The following RPS6KA2 variants were observed in gnomAD, a reference collection of about 807,000 sequenced individuals.
RPS6KA2 encodes ribosomal protein S6 kinase alpha-2.
In RPS6KA2, 42 loss-of-function variants were observed where a neutral mutation model predicts 91.8. The ratio of observed to expected loss-of-function variants is 0.46; its 90% CI spans 0.36 to 0.59. RPS6KA2 has a LOEUF of 0.59. RPS6KA2 is among the 20% of genes least tolerant of loss of function. RPS6KA2 has a pLI of 0.00. For missense variants in RPS6KA2, 798 were observed against 978.5 expected, an observed-to-expected ratio of 0.82 and a Z score of 2.46; for synonymous variants, 414 against 393.6, an observed-to-expected ratio of 1.05 and a Z score of -0.61.
At chr6:166,430,379 A>T (rs1779079889) in intron 16 of RPS6KA2, 74 bp downstream of exon 16, 5 of 1,393,730 alleles carry the variant, frequency 3.6e-6, no homozygotes, top group Middle Eastern at 2.1e-4. Context: ...TCTTGAACCC[A>T]TAAACCCTTG....
At chr6:166,488,354 A>G (rs1781480894) in intron 10 of RPS6KA2, among the ~76,000 whole-genome samples, 1 of 152,192 alleles carries the variant, frequency 6.6e-6, no homozygotes, top group African/African-American at 2.4e-5. Flanking sequence ...GGCCGCGCCA[A>G]CTCGCTAAGA....
chr6:166,705,132 C>T (rs1789642366), intron 2 of RPS6KA2, among the ~76,000 whole-genome samples: 1 of 152,190 alleles, frequency 6.6e-6, no homozygotes, highest in Non-Finnish European at 1.5e-5. Flanking sequence ...AGATGTTCAC[C>T]TCAAACATGT....
At chr6:166,681,640 T>C (rs902551842) in intron 2 of RPS6KA2, among the ~76,000 whole-genome samples, 5 of 151,282 alleles carry the variant, frequency 3.3e-5, no homozygotes, top group Non-Finnish European at 7.4e-5. Context: ...TCCTTCCTTT[T>C]GTGATTCCAG....
At chr6:166,465,967 C>G (rs1780506272) in intron 11 of RPS6KA2, among the ~76,000 whole-genome samples, 1 of 152,218 alleles carries the variant, frequency 6.6e-6, no homozygotes, top group Non-Finnish European at 1.5e-5. Context: ...CTGGGCAGAA[C>G]AAGAGCCTGC....
In RPS6KA2 at chr6:166,770,369, A is replaced by G. The variant is rs1435648379; in HGVS notation, c.123+87831T>C. ...CCTAGAAAAGCTGTTGCTGAGCCAC[A>G]CGCACTAGAGTCTGGAGGCTGGTCG... On this transcript the variant is annotated intron_variant, in intron 2 of 21. Coordinates refer to the RPS6KA2 transcript ENST00000503859. The surrounding 1 kb of genome is among the most constrained non-coding windows in gnomAD (Gnocchi z 5.1). Among the ~76,000 whole-genome samples the G allele has an allele frequency of 6.6e-6, 1 of 152,224 alleles. No homozygotes were observed. The highest frequency in any genetic ancestry group is 1.5e-5 in the Non-Finnish European group (1 of 68,046).
At chr6:166,619,078 C>T (rs1054082400) in intron 1 of RPS6KA2, among the ~76,000 whole-genome samples, 41 of 151,916 alleles carry the variant, frequency 2.7e-4, no homozygotes, top group African/African-American at 9.2e-4. Context: ...GAGCCCTGTG[C>T]GTATGGGCTC....
At chr6:166,689,570 C>T (rs1332580108) in intron 2 of RPS6KA2, among the ~76,000 whole-genome samples, 1 of 152,156 alleles carries the variant, frequency 6.6e-6, no homozygotes, top group Non-Finnish European at 1.5e-5. Flanking sequence ...CCACTGGATT[C>T]GTAGGTGTTG....
Position 166,812,661 on chromosome 6 carries a change from C to A in RPS6KA2, c.123+45539G>T, listed in dbSNP as rs568484703. Among the ~76,000 whole-genome samples the A allele has an allele frequency of 4.1e-4, 62 of 152,326 alleles. 1 individual carries two copies. Among genetic ancestry groups the A allele is most frequent in the Non-Finnish European group, 7.6e-4 (52 of 68,030 alleles). On this transcript the variant is annotated intron_variant, in intron 2 of 21. Coordinates refer to the RPS6KA2 transcript ENST00000503859. ...CCGCTCTCGTGTGGAACCTGACCCT[C>A]TTCCCTGCAACTTCACATCTCACTC... is the stretch of plus-strand genomic sequence containing the variant.
intron 1 of RPS6KA2, 54 bp from the exon 2 acceptor site, chr6:166,538,838 G>T: frequency 1.1e-6 from 1 of 903,612 alleles, no homozygotes; most frequent in Non-Finnish European, 1.8e-6. Flanking sequence ...CCTCAGAGCC[G>T]CTCACAGCTT....
At chr6:166,756,383 T>C (rs886350314) in intron 2 of RPS6KA2, among the ~76,000 whole-genome samples, 8 of 152,262 alleles carry the variant, frequency 5.3e-5, no homozygotes, top group Admixed American at 5.2e-4. Flanking sequence ...CAGTGATTTC[T>C]AGAACACTGT....
chr6:166,576,322 T>C (rs1784835949), intron 1 of RPS6KA2, among the ~76,000 whole-genome samples: 1 of 152,244 alleles, frequency 6.6e-6, no homozygotes, highest in Non-Finnish European at 1.5e-5. Flanking sequence ...GAAGTGACTT[T>C]GGAACTTGGT....
In RPS6KA2 at chr6:166,726,679, T is replaced by G. The variant is rs1382227970; in HGVS notation, c.123+131521A>C. Among the ~76,000 whole-genome samples the G allele has an allele frequency of 6.6e-6, 1 of 152,270 alleles. No homozygotes were observed. Among genetic ancestry groups the G allele is most frequent in the Non-Finnish European group, 1.5e-5 (1 of 68,046 alleles). ...AGAACTGGATCTCGTGTACTGATGC[T>G]GCTGGCAGCATTGGAAAGTGACTCT... On this transcript the variant is annotated intron_variant, in intron 2 of 21. Coordinates refer to the RPS6KA2 transcript ENST00000503859. The surrounding 1 kb of genome is among the most constrained non-coding windows in gnomAD (Gnocchi z 4.4).
chr6:166,710,229 C>T (rs1283941465), intron 2 of RPS6KA2, among the ~76,000 whole-genome samples: 2 of 152,112 alleles, frequency 1.3e-5, no homozygotes, highest in Non-Finnish European at 2.9e-5. Context: ...CTTATTAAAA[C>T]TTATTTCAAA....
In RPS6KA2 at chr6:166,849,898, A is replaced by C. The variant is rs1288032415; in HGVS notation, c.123+8302T>G. On this transcript the variant is annotated intron_variant, in intron 2 of 21. Transcript: ENST00000503859. The surrounding 1 kb of genome is among the most constrained non-coding windows in gnomAD (Gnocchi z 4.9). ...GACACCGGGTTCAGGGACCAGGGGC[A>C]CTCATGCCTGGCTCCGCTGTGCCCA... Among the ~76,000 whole-genome samples the C allele has an allele frequency of 6.6e-6, 1 of 152,146 alleles. No individual in the cohort carries two copies.
intron 2 of RPS6KA2, among the ~76,000 whole-genome samples, chr6:166,638,502 A>G (rs1220849649): frequency 6.6e-6 from 1 of 151,596 alleles, no homozygotes; most frequent in Non-Finnish European, 1.5e-5. Flanking sequence ...CACGTGTACC[A>G]TTTATTAAAG....
rs943063088 is a variant in RPS6KA2 at position 166,849,858 on chromosome 6, A to G, written c.123+8342T>C. Among the ~76,000 whole-genome samples, 2 of 152,242 alleles carry G rather than the reference A, an allele frequency of 1.3e-5. No homozygotes were observed. Among genetic ancestry groups the G allele is most frequent in the Admixed American group, 6.5e-5 (1 of 15,290 alleles). On this transcript the variant is annotated intron_variant, in intron 2 of 21. Coordinates refer to the RPS6KA2 transcript ENST00000503859. The surrounding 1 kb of genome is among the most constrained non-coding windows in gnomAD (Gnocchi z 4.9). Reference sequence around the variant, plus strand: ...ATAGGGTTTGCTCCATCTGTTCTACATAAGACAGAAGTGAGACACCGGGTT... The same window carrying G: ...ATAGGGTTTGCTCCATCTGTTCTACGTAAGACAGAAGTGAGACACCGGGTT...
At chr6:166,485,938 G>A (rs900737108) in intron 10 of RPS6KA2, among the ~76,000 whole-genome samples, 29 of 152,174 alleles carry the variant, frequency 1.9e-4, no homozygotes, top group African/African-American at 6.0e-4. Flanking sequence ...GGGACTCTGG[G>A]CACTAAGGGT....
intron 2 of RPS6KA2, among the ~76,000 whole-genome samples, chr6:166,798,998 T>C (rs1231406268): frequency 1.3e-5 from 2 of 152,278 alleles, no homozygotes; most frequent in African/African-American, 2.4e-5. Flanking sequence ...CCTATTCAAG[T>C]TGTCAGCTGA....
intron 2 of RPS6KA2, among the ~76,000 whole-genome samples, chr6:166,760,612 G>A (rs1054218923): frequency 2.0e-5 from 3 of 152,132 alleles, no homozygotes; most frequent in African/African-American, 7.2e-5. Context: ...AAAATGGCTC[G>A]GCCAAAAATG....
Sources: gnomAD v4.1 joint callset for allele counts (sites outside exome capture counted in the v4.1 genomes callset) on GRCh38, gnomAD v4.1.1 for gene constraint, Gnocchi (gnomAD v3.1) non-coding constraint, MANE v1.5 for transcripts, NCBI Gene and HGNC (gene_info 2026-07-23, HGNC 2026-07-21) for gene names.